Variants in PDHX observed in about 807,000 individuals in gnomAD.
PDHX encodes pyruvate dehydrogenase complex component X, also known as pyruvate dehydrogenase protein X component, mitochondrial.
PDHX carries 33 observed loss-of-function variants against 55.3 expected under a neutral mutation model. That is an observed-to-expected ratio of 0.60 (90% CI 0.45 to 0.80). The LOEUF (loss-of-function observed/expected upper bound fraction) is 0.80. Among genes scored for constraint, PDHX ranks in the 30% least tolerant of loss-of-function variants. The probability of loss-of-function intolerance (pLI) is 0.00; values close to 1 mark genes in which losing one functional copy is unlikely to be tolerated. For missense variants in PDHX, 622 were observed against 619.9 expected, an observed-to-expected ratio of 1.00 and a Z score of -0.04; for synonymous variants, 226 against 219.4, an observed-to-expected ratio of 1.03 and a Z score of -0.27.
intron 3 of PDHX, among the ~76,000 whole-genome samples, chr11:34,951,454 G>A (rs943727108): frequency 1.3e-5 from 2 of 152,144 alleles, no homozygotes; most frequent in Non-Finnish European, 2.9e-5. Context: ...CAGTGATGAT[G>A]AGCATTTTTT....
chr11:34,985,656 T>G (rs375496426), intron 9 of PDHX, among the ~76,000 whole-genome samples: 270 of 152,310 alleles, frequency 1.8e-3, no homozygotes, highest in African/African-American at 5.9e-3. Context: ...TTAAAGTGAT[T>G]GCATCGAAAA....
In PDHX at chr11:34,960,473, C is replaced by G. The variant is rs187115311; in HGVS notation, c.596C>G (p.Ala199Gly). 1.2e-6 allele frequency: 2 copies of G among 1,613,334 alleles called. No homozygotes were observed. Among genetic ancestry groups the G allele is most frequent in the Non-Finnish European group, 1.7e-6 (2 of 1,179,494 alleles). ...ATTCTGGAAAAACACTCACTGGATG[C>G]TAGCCAGGGCACAGCCACTGGCCCT... ...RNILEKHSLD[A>G]SQGTATGPRG... is the part of the protein sequence containing the mutation. Residue 199 changes from alanine to glycine, a missense_variant, in exon 5 of 11, where the codon GCT (alanine) becomes GGT (glycine). Transcript: ENST00000227868.
chr11:34,919,434 C>T (rs1429973200), intron 1 of PDHX, among the ~76,000 whole-genome samples: 5 of 152,166 alleles, frequency 3.3e-5, no homozygotes, highest in African/African-American at 7.2e-5. Context: ...ATTTGTCAGT[C>T]GGAACTACCT....
intron 5 of PDHX, among the ~76,000 whole-genome samples, chr11:34,963,518 G>A (rs1432213693): frequency 6.6e-6 from 1 of 152,134 alleles, no homozygotes; most frequent in Non-Finnish European, 1.5e-5. Flanking sequence ...GGCCTCAGGT[G>A]ACCCTCCCAC....
intron 1 of PDHX, 62 bp downstream of exon 1, chr11:34,916,877 C>T (rs1382297107): frequency 6.9e-7 from 1 of 1,457,238 alleles, no homozygotes; most frequent in Non-Finnish European, 9.4e-7. Flanking sequence ...GGGACAGGGG[C>T]AGTTATGATT....
intron 3 of PDHX, among the ~76,000 whole-genome samples, chr11:34,956,238 G>A (rs1253972097): frequency 1.3e-5 from 2 of 151,854 alleles, no homozygotes; most frequent in Admixed American, 6.6e-5. Flanking sequence ...CTTCATGAAA[G>A]CATTGCTGCT....
At chr11:34,994,362 G>A (rs1481076460) in intron 10 of PDHX, among the ~76,000 whole-genome samples, 1 of 152,138 alleles carries the variant, frequency 6.6e-6, no homozygotes, top group African/African-American at 2.4e-5. Context: ...AGTAAAACAT[G>A]GTACACCTGT....
In PDHX at chr11:34,939,504, T is replaced by TGTGC. The variant is rs1491574898; in HGVS notation, c.242-8001_242-8000insTGCG. Among the ~76,000 whole-genome samples the TGTGC allele has an allele frequency of 7.5e-4, 112 of 148,508 alleles. 1 individual carries two copies. The highest frequency in any genetic ancestry group is 1.8e-3 in the African/African-American group (69 of 39,268). ...GTGTGTGTGTGTGTGTGTGTGTGTG[T>TGTGC]GCACTTGCATGCGCGCAGCGTTTTA... On this transcript the variant is annotated intron_variant, in intron 2 of 10. Coordinates refer to ENST00000227868, the MANE Select transcript of PDHX (RefSeq NM_003477.3).
intron 9 of PDHX, chr11:34,984,987 A>G (rs1855609264): frequency 2.6e-6 from 1 of 388,592 alleles, no homozygotes; most frequent in Non-Finnish European, 4.7e-6. Flanking sequence ...CATGCTAAAG[A>G]CAAGCTTTAT....
chr11:34,960,401 C>T lies in PDHX; in HGVS notation c.543-19C>T, dbSNP rs181037040. ...GTAAGTGTTAATTGGTTCTATTAACCTTCATATTTTTTTCTTAGGTTCCGT... is the reference window on the plus strand; with the variant it reads ...GTAAGTGTTAATTGGTTCTATTAACTTTCATATTTTTTTCTTAGGTTCCGT... On this transcript the variant is annotated intron_variant, in intron 4 of 10. Transcript: ENST00000227868. 184 of 1,528,260 alleles carry T rather than the reference C, an allele frequency of 1.2e-4. 1 individual carries two copies. Among genetic ancestry groups the T allele is most frequent in the Middle Eastern group, 1.7e-4 (1 of 5,908 alleles). 94.7% of individuals were successfully genotyped at this position (1,528,260 alleles called of 1,614,324 possible).
At chr11:34,947,666 T>A in intron 3 of PDHX, 60 bp downstream of exon 3, 2 of 1,094,788 alleles carry the variant, frequency 1.8e-6, no homozygotes, top group Admixed American at 3.4e-5. Context: ...GAAAGTTCAT[T>A]GTAGTAAAAT....
intron 7 of PDHX, among the ~76,000 whole-genome samples, chr11:34,972,090 A>G (rs1386192275): frequency 6.6e-6 from 1 of 151,874 alleles, no homozygotes; most frequent in Non-Finnish European, 1.5e-5. Context: ...GACATTAGTA[A>G]TTTGTGTGTT....
At chr11:34,983,682 A>G (rs1304498990) in intron 8 of PDHX, among the ~76,000 whole-genome samples, 1 of 152,028 alleles carries the variant, frequency 6.6e-6, no homozygotes, top group Non-Finnish European at 1.5e-5. Flanking sequence ...CAATTGCTTC[A>G]AAGAGAATAA....
At chr11:34,948,173 G>A (rs1024916754) in intron 3 of PDHX, among the ~76,000 whole-genome samples, 1 of 152,192 alleles carries the variant, frequency 6.6e-6, no homozygotes, top group East Asian at 1.9e-4. Flanking sequence ...GATTGAGAGA[G>A]TACATATATG....
rs59918794 is a variant in PDHX, at chr11:34,995,295, A to G, written c.*123A>G. The stretch of plus-strand genomic sequence containing the variant: ...AGTGGATGAAATGTTTATTTATTTA[A>G]GGTGAAAGCATTTGACCCAGGGTGT... On this transcript the variant is annotated 3_prime_UTR_variant, in exon 11 of 11. Transcript: ENST00000227868. 4,269 of 1,117,330 alleles carry G rather than the reference A, an allele frequency of 3.8e-3. 119 individuals are homozygous for G. The African/African-American group carries it at 0.058, about 15-fold the overall frequency. 69.2% of individuals were successfully genotyped at this position (1,117,330 alleles called of 1,614,324 possible).
At chr11:34,947,098 A>C (rs759010117) in intron 2 of PDHX, among the ~76,000 whole-genome samples, 41 of 152,218 alleles carry the variant, frequency 2.7e-4, no homozygotes, top group Non-Finnish European at 5.1e-4. Flanking sequence ...GTGAACCCAG[A>C]AGTACTGTTA....
chr11:34,922,866 G>A (rs184891668), intron 1 of PDHX, among the ~76,000 whole-genome samples: 1 of 50,856 alleles, frequency 2.0e-5, no homozygotes, highest in Admixed American at 1.7e-4. Context: ...AAGTATCGTT[G>A]TGTGTGTGTG....
At chr11:34,924,839 GT>G (rs1449961001) in intron 1 of PDHX, among the ~76,000 whole-genome samples, 1 of 152,146 alleles carries the variant, frequency 6.6e-6, no homozygotes, top group African/African-American at 2.4e-5. Flanking sequence ...GAAGTAACTA[GT>G]TTTGTCTCTT....
chr11:34,983,940 G>A (rs1443076426), intron 8 of PDHX, among the ~76,000 whole-genome samples: 1 of 152,042 alleles, frequency 6.6e-6, no homozygotes, highest in Non-Finnish European at 1.5e-5. Flanking sequence ...AGTTCATATG[G>A]AACCAAAAAA....
Sources: allele counts gnomAD v4.1 joint callset (sites outside exome capture counted in the v4.1 genomes callset), GRCh38; gene constraint gnomAD v4.1.1; transcripts MANE v1.5; gene names NCBI Gene and HGNC (gene_info 2026-07-23, HGNC 2026-07-21).